The following PALLD variants were observed in gnomAD, a reference collection of about 807,000 sequenced individuals.
The protein encoded by PALLD is palladin.
PALLD carries 61 observed loss-of-function variants against 123.5 expected under a neutral mutation model. The observed-to-expected ratio is 0.49, with a 90% CI of 0.40 to 0.61. PALLD has a LOEUF of 0.61. PALLD is among the 20% of genes least tolerant of loss of function. The pLI, the probability that PALLD is intolerant of heterozygous loss-of-function variation, is 0.00. For synonymous variants in PALLD, 465 were observed against 496.4 expected, an observed-to-expected ratio of 0.94 and a Z score of 0.84; for missense variants, 1,273 against 1,377.0, an observed-to-expected ratio of 0.92 and a Z score of 1.20.
chr4:168,698,971 G>C (rs1783419769), intron 8 of PALLD, among the ~76,000 whole-genome samples: 1 of 152,100 alleles, frequency 6.6e-6, no homozygotes, highest in South Asian at 2.1e-4. Flanking sequence ...TAGACTTGAG[G>C]ATAGATACAC....
chr4:168,761,645 G>GTTTTTTTTTGTTTT (rs1732875430), intron 10 of PALLD, among the ~76,000 whole-genome samples: 5 of 88,026 alleles, frequency 5.7e-5, no homozygotes, highest in Non-Finnish European at 8.9e-5. Context: ...GTTGTTGTTT[G>GTTTTTTTTTGTTTT]TTTTTTTTTT....
intron 7 of PALLD, 22 bp from the exon 8 acceptor site, chr4:168,691,247 A>T (rs1561405008): frequency 3.8e-6 from 6 of 1,590,178 alleles, no homozygotes; most frequent in East Asian, 2.2e-5. Context: ...GTTCTAATTT[A>T]TTTTTTTCAT....
chr4:168,587,864 G>A (rs182518285), intron 2 of PALLD, among the ~76,000 whole-genome samples: 7 of 152,128 alleles, frequency 4.6e-5, no homozygotes, highest in East Asian at 3.9e-4. Flanking sequence ...ACAGTGGAGC[G>A]CTCTTCAGGG....
intron 10 of PALLD, among the ~76,000 whole-genome samples, chr4:168,842,101 C>T (rs973990): frequency 0.47 from 72,069 of 152,046 alleles, 17,852 homozygotes; most frequent in Non-Finnish European, 0.54. Context: ...TGATTCCCCT[C>T]TTTATATGTG....
rs1345934855 is a variant in PALLD at position 168,581,138 on chromosome 4, A to G, written c.908+68726A>G. On this transcript the variant is annotated intron_variant, in intron 2 of 21. Transcript: ENST00000505667. Reference sequence around the variant, plus strand: ...CCCTGCACCTAAAATAAAAGTTACAATATTAAAAAAAAATACCCAGATCCT... The same window carrying G: ...CCCTGCACCTAAAATAAAAGTTACAGTATTAAAAAAAAATACCCAGATCCT... Among the ~76,000 whole-genome samples the G allele has an allele frequency of 2.0e-5, 3 of 152,032 alleles. 1 individual carries two copies. The highest frequency in any genetic ancestry group is 4.4e-5 in the Non-Finnish European group (3 of 67,964).
In PALLD at chr4:168,794,506, GCACACACA is replaced by G. The variant is rs57496563; in HGVS notation, c.1964+82609_1964+82616del. 3.3e-4 allele frequency among the ~76,000 whole-genome samples: 48 copies of G among 143,958 alleles called. 1 individual carries two copies. Among genetic ancestry groups the G allele is most frequent in the African/African-American group, 9.4e-4 (36 of 38,126 alleles). The allele number at this position is 143,958 out of a possible 152,430, so 94.4% of individuals were successfully genotyped here. On this transcript the variant is annotated intron_variant, in intron 10 of 21. Coordinates refer to ENST00000505667, the MANE Select transcript of PALLD (RefSeq NM_001166108.2). ...CACACACATGCACGCACACACACAC[GCACACACA>G]CACACACACACACACACACACACAC...
chr4:168,807,453 A>G (rs1332914313), intron 10 of PALLD, among the ~76,000 whole-genome samples: 1 of 152,142 alleles, frequency 6.6e-6, no homozygotes, highest in Non-Finnish European at 1.5e-5. Context: ...CTTGTTGCCC[A>G]GACTGGAGTG....
At chr4:168,714,968 T>C (rs1655010978) in intron 10 of PALLD, among the ~76,000 whole-genome samples, 1 of 151,472 alleles carries the variant, frequency 6.6e-6, no homozygotes, top group South Asian at 2.1e-4. Flanking sequence ...GGCCATGAGC[T>C]CTTTTCTCTA....
intron 2 of PALLD, among the ~76,000 whole-genome samples, chr4:168,623,298 C>A (rs1774934918): frequency 6.6e-6 from 1 of 152,160 alleles, no homozygotes; most frequent in African/African-American, 2.4e-5. Flanking sequence ...AAACCTGAAT[C>A]TGGAAGTAGT....
intron 18 of PALLD, among the ~76,000 whole-genome samples, chr4:168,923,719 A>G (rs1266899920): frequency 2.0e-5 from 3 of 152,188 alleles, no homozygotes; most frequent in Non-Finnish European, 2.9e-5. Context: ...AAAGCTGCCA[A>G]ATTTAGATAA....
chr4:168,591,093 G>A (rs1332421590), intron 2 of PALLD, among the ~76,000 whole-genome samples: 2 of 151,954 alleles, frequency 1.3e-5, no homozygotes, highest in Admixed American at 6.6e-5. Context: ...TGGCCAAGCT[G>A]GTCTTGAACT....
rs1561319309 is a variant in PALLD at position 168,626,421 on chromosome 4, A to AAAAG, written c.909-41769_909-41768insAAAG. Among the ~76,000 whole-genome samples, 4 of 139,394 alleles carry AAAAG rather than the reference A, an allele frequency of 2.9e-5. 1 individual carries two copies. The highest frequency in any genetic ancestry group is 2.7e-5 in the African/African-American group (1 of 36,778). The allele number at this position is 139,394 out of a possible 152,430, so 91.4% of individuals were successfully genotyped here. A position where few individuals can be genotyped will look rare whatever the true frequency, so the allele number is the denominator to read the frequency against. ...ATCTCAAAAAAAAAAAAAAAAAAAA[A>AAAAG]GGTGGTGACTGGGCACTGTGGCTCA... On this transcript the variant is annotated intron_variant, in intron 2 of 21. Transcript: ENST00000505667.
intron 10 of PALLD, chr4:168,864,604 T>C (rs1500803): frequency 0.89 from 136,059 of 152,236 alleles, 60,915 homozygotes; most frequent in East Asian, 1. Flanking sequence ...AGAAAAGGCA[T>C]ATTCTGGTGT....
At chr4:168,585,105 C>T (rs1225425356) in intron 2 of PALLD, among the ~76,000 whole-genome samples, 2 of 151,972 alleles carry the variant, frequency 1.3e-5, no homozygotes, top group Non-Finnish European at 2.9e-5. Flanking sequence ...GTAATAGATT[C>T]CAAATGTATT....
chr4:168,709,086 A>T lies in PALLD; in HGVS notation c.1560A>T (p.Thr520=), dbSNP rs1213236687. ...TCCCTGAAGATGCAGGGATCTTTAC[A>T]TGTTCAGCAAGAAATGATTATGGAT... ...ETFPEDAGIF[T]CSARNDYGSA... The change falls in exon 9 of 22, where the codon ACA becomes ACT. Residue 520 remains threonine, a synonymous_variant. Coordinates refer to ENST00000505667, the MANE Select transcript of PALLD (RefSeq NM_001166108.2). 1 of 1,613,662 alleles carries T rather than the reference A, an allele frequency of 6.2e-7. No homozygotes were observed. Among genetic ancestry groups the T allele is most frequent in the Admixed American group, 1.7e-5 (1 of 60,022 alleles).
At position 168,927,884 on chromosome 4, in the gene PALLD, T is replaced by G. The variant is rs1349994558; in HGVS notation, c.*1704T>G. ...GTACTTTGCTATGAAAAGAAAACAC[T>G]GTATTCCTTATGCAAAACACATGTA... On this transcript the variant is annotated 3_prime_UTR_variant, in exon 22 of 22. Transcript: ENST00000505667. The G allele has an allele frequency of 4.8e-6, 1 of 207,472 alleles. No individual in the cohort carries two copies. The highest frequency in any genetic ancestry group is 2.3e-5 in the African/African-American group (1 of 43,950). 12.9% of individuals were successfully genotyped at this position (207,472 alleles called of 1,614,324 possible).
At chr4:168,623,667 G>A (rs1192245287) in intron 2 of PALLD, among the ~76,000 whole-genome samples, 4 of 152,190 alleles carry the variant, frequency 2.6e-5, no homozygotes, top group African/African-American at 9.7e-5. Context: ...ATAAGGAAAG[G>A]CATACCGGGC....
chr4:168,781,781 G>T (rs1219076281), intron 10 of PALLD, among the ~76,000 whole-genome samples: 1 of 152,094 alleles, frequency 6.6e-6, no homozygotes, highest in Non-Finnish European at 1.5e-5. Flanking sequence ...CAGAAGCCCG[G>T]AACAAGACTG....
chr4:168,592,997 CA>C (rs751882295), intron 2 of PALLD, among the ~76,000 whole-genome samples: 6 of 151,200 alleles, frequency 4.0e-5, no homozygotes, highest in Non-Finnish European at 8.8e-5. Context: ...GAATAAAATG[CA>C]ATGTCATTTG....
Sources: allele counts gnomAD v4.1 joint callset (sites outside exome capture counted in the v4.1 genomes callset), GRCh38; gene constraint gnomAD v4.1.1; transcripts MANE v1.5; gene names NCBI Gene and HGNC (gene_info 2026-07-23, HGNC 2026-07-21).